The following FMN2 variants were observed in gnomAD, a reference collection of about 807,000 sequenced individuals.
FMN2 encodes formin-2.
A neutral mutation model predicts 142.3 loss-of-function variants in FMN2; 51 were observed. That is an observed-to-expected ratio of 0.36 (90% CI 0.29 to 0.45). The LOEUF is 0.45. Among genes scored for constraint, FMN2 ranks in the 20% least tolerant of loss-of-function variants. FMN2 has a pLI of 1.00. For synonymous variants in FMN2, 882 were observed against 869.8 expected, an observed-to-expected ratio of 1.01 and a Z score of -0.25; for missense variants, 1,936 against 2,122.8, an observed-to-expected ratio of 0.91 and a Z score of 1.73.
chr1:240,288,548 C>T (rs1365848815), intron 7 of FMN2, among the ~76,000 whole-genome samples: 12 of 152,172 alleles, frequency 7.9e-5, no homozygotes, highest in Non-Finnish European at 1.5e-4. Flanking sequence ...TGATGGGCAG[C>T]CCCTCAGATG....
At chr1:240,264,250 A>T (rs1181090714) in intron 7 of FMN2, among the ~76,000 whole-genome samples, 1 of 152,148 alleles carries the variant, frequency 6.6e-6, no homozygotes, top group Non-Finnish European at 1.5e-5. Flanking sequence ...GTCCTCCCTC[A>T]AAAGGGTCCA....
At chr1:240,456,700 C>T (rs1360783336) in intron 16 of FMN2, among the ~76,000 whole-genome samples, 11 of 152,208 alleles carry the variant, frequency 7.2e-5, no homozygotes. Context: ...AGGTGATTCA[C>T]ACACCTCGGC....
chr1:240,273,283 T>C (rs1669083571), intron 7 of FMN2, among the ~76,000 whole-genome samples: 1 of 152,226 alleles, frequency 6.6e-6, no homozygotes, highest in Admixed American at 6.5e-5. Flanking sequence ...GACATTACTA[T>C]GCAAAGACTT....
At chr1:240,180,054 C>A in intron 3 of FMN2, 1 of 446,000 alleles carries the variant, frequency 2.2e-6, no homozygotes, top group South Asian at 2.3e-5. Context: ...GGAATTGATA[C>A]CAGGAAGTTT....
chr1:240,367,782 A>G (rs1672731576), intron 14 of FMN2, among the ~76,000 whole-genome samples: 1 of 151,544 alleles, frequency 6.6e-6, no homozygotes, highest in Non-Finnish European at 1.5e-5. Context: ...AAAAAAAAAA[A>G]AAAAAAAAAG....
chr1:240,142,688 C>A, intron 2 of FMN2: 2 of 1,611,078 alleles, frequency 1.2e-6, no homozygotes, highest in East Asian at 4.5e-5. Flanking sequence ...AATTGGGGTT[C>A]TTCCGAAGGA....
chr1:240,133,838 G>A (rs1662835575), intron 2 of FMN2, among the ~76,000 whole-genome samples: 1 of 152,126 alleles, frequency 6.6e-6, no homozygotes, highest in African/African-American at 2.4e-5. Flanking sequence ...TATTTACCCT[G>A]TAACACCTGA....
intron 13 of FMN2, among the ~76,000 whole-genome samples, chr1:240,349,429 A>G (rs1254084811): frequency 1.3e-5 from 2 of 152,118 alleles, no homozygotes; most frequent in Non-Finnish European, 2.9e-5. Flanking sequence ...AAAAGCAGCA[A>G]CTCTAAGCTG....
At chr1:240,112,224 T>C (rs1298079095) in intron 1 of FMN2, among the ~76,000 whole-genome samples, 1 of 147,852 alleles carries the variant, frequency 6.8e-6, no homozygotes, top group East Asian at 2.0e-4. Context: ...CTCCACCTCC[T>C]GGGTTCAAGT....
At chr1:240,277,357 T>G (rs1391402974) in intron 7 of FMN2, among the ~76,000 whole-genome samples, 2 of 151,884 alleles carry the variant, frequency 1.3e-5, no homozygotes, top group Non-Finnish European at 2.9e-5. Flanking sequence ...TCAATCCGTT[T>G]AAGACCAGCA....
intron 16 of FMN2, among the ~76,000 whole-genome samples, chr1:240,470,040 C>G (rs1047932887): frequency 6.6e-6 from 1 of 151,840 alleles, no homozygotes; most frequent in Non-Finnish European, 1.5e-5. Context: ...TTCCTGTGAT[C>G]CTTACAAAAA....
chr1:240,341,311 A>T (rs1013972734), intron 13 of FMN2: 2 of 152,170 alleles, frequency 1.3e-5, no homozygotes, highest in African/African-American at 4.8e-5. Flanking sequence ...ATCTGAAATG[A>T]ATTCATCTTC....
chr1:240,407,140 CTT>C (rs1166811997), intron 15 of FMN2, among the ~76,000 whole-genome samples: 17 of 142,042 alleles, frequency 1.2e-4, no homozygotes, highest in Non-Finnish European at 1.4e-4. Context: ...AGCTACAATA[CTT>C]TTTTTTTTTT....
At chr1:240,241,619 A>C (rs1667898039) in intron 6 of FMN2, among the ~76,000 whole-genome samples, 1 of 152,144 alleles carries the variant, frequency 6.6e-6, no homozygotes, top group Non-Finnish European at 1.5e-5. Flanking sequence ...TTATTTTTAC[A>C]GATGTGATTT....
intron 9 of FMN2, 74 bp downstream of exon 9, chr1:240,329,241 G>T: frequency 1.2e-6 from 2 of 1,600,022 alleles, no homozygotes; most frequent in Non-Finnish European, 1.7e-6. Context: ...AAATGCAAAT[G>T]CGGTGTCTTC....
intron 2 of FMN2, among the ~76,000 whole-genome samples, chr1:240,169,581 C>T (rs1212297019): frequency 6.6e-6 from 1 of 152,170 alleles, no homozygotes; most frequent in Non-Finnish European, 1.5e-5. Flanking sequence ...TTCCTTCCGC[C>T]TCAGCCTCAA....
chr1:240,336,277 G>A (rs2103022745), intron 13 of FMN2, among the ~76,000 whole-genome samples: 1 of 152,260 alleles, frequency 6.6e-6, no homozygotes, highest in Non-Finnish European at 1.5e-5. Context: ...CAGAAGATTA[G>A]ATATTGAAGG....
chr1:240,426,685 T>C (rs1572295441), intron 15 of FMN2, among the ~76,000 whole-genome samples: 1 of 152,164 alleles, frequency 6.6e-6, no homozygotes, highest in East Asian at 1.9e-4. Context: ...CCAACAGATA[T>C]AATTTCATCC....
intron 2 of FMN2, among the ~76,000 whole-genome samples, chr1:240,149,818 AT>A (rs1418711132): frequency 6.6e-6 from 1 of 152,232 alleles, no homozygotes; most frequent in Non-Finnish European, 1.5e-5. Context: ...ATAGCTTTAC[AT>A]TTTAAAATCA....
Sources: gnomAD v4.1 joint callset for allele counts (sites outside exome capture counted in the v4.1 genomes callset) on GRCh38, gnomAD v4.1.1 for gene constraint, MANE v1.5 for transcripts, NCBI Gene and HGNC (gene_info 2026-07-23, HGNC 2026-07-21) for gene names.